Variants in ADCY8 observed in about 807,000 individuals in gnomAD.
The protein encoded by ADCY8 is adenylate cyclase type 8.
Under a neutral mutation model 119.7 loss-of-function variants are expected in ADCY8, and 51 were observed. That is an observed-to-expected ratio of 0.43 (90% CI 0.34 to 0.54). ADCY8 has a LOEUF of 0.54. Among genes scored for constraint, ADCY8 ranks in the 20% least tolerant of loss-of-function variants. The probability of loss-of-function intolerance (pLI) is 0.03; values close to 1 mark genes in which losing one functional copy is unlikely to be tolerated. For missense variants in ADCY8, 1,383 were observed against 1,598.8 expected (o/e 0.87, Z 2.30); for synonymous variants, 665 against 651.0 (o/e 1.02, Z -0.33).
chr8:130,783,570 A>G (rs1445107238), intron 17 of ADCY8, 121 bp downstream of exon 17: 4 of 636,992 alleles, frequency 6.3e-6, no homozygotes, highest in African/African-American at 5.5e-5. Flanking sequence ...TGGCAGGGTC[A>G]TGCTAGATCT....
At chr8:130,820,423 A>G (rs1816472074) in intron 13 of ADCY8, among the ~76,000 whole-genome samples, 1 of 152,152 alleles carries the variant, frequency 6.6e-6, no homozygotes, top group African/African-American at 2.4e-5. Flanking sequence ...AGAAAGATGG[A>G]CCAAGATCCA....
chr8:130,972,371 G>A (rs1821948816), intron 2 of ADCY8, among the ~76,000 whole-genome samples: 1 of 152,084 alleles, frequency 6.6e-6, no homozygotes, highest in Admixed American at 6.5e-5. Flanking sequence ...AAACCTTAAT[G>A]TTCCAGTTGT....
At chr8:130,887,038 C>T (rs1171916017) in intron 7 of ADCY8, among the ~76,000 whole-genome samples, 1 of 151,632 alleles carries the variant, frequency 6.6e-6, no homozygotes, top group African/African-American at 2.4e-5. Flanking sequence ...CAGTCCTTTA[C>T]ATTGAATACA....
intron 9 of ADCY8, among the ~76,000 whole-genome samples, chr8:130,855,660 C>T (rs570122706): frequency 1.3e-5 from 2 of 152,004 alleles, no homozygotes; most frequent in South Asian, 4.2e-4. Context: ...GACAGTGGCC[C>T]CTTCTCCTGT....
Position 130,903,850 on chromosome 8 carries a change from C to G in ADCY8, c.1833G>C (p.Arg611=). 6.2e-7 allele frequency: 1 copy of G among 1,613,930 alleles called. No individual in the cohort carries two copies. ...CAGTGAATGTGGCCCCACTGTTTCT[C>G]CGGTCTGAGGAGCTCACTGACTCCT... ...IVKESVSSSD[R]RNSGATFTEG... The change falls in exon 7 of 18, where the codon CGG becomes CGC. Residue 611 remains arginine (R), a synonymous_variant. Coordinates refer to ENST00000286355, the MANE Select transcript of ADCY8 (RefSeq NM_001115.3).
At chr8:131,002,895 T>TA (rs1188483063) in intron 1 of ADCY8, among the ~76,000 whole-genome samples, 1 of 151,996 alleles carries the variant, frequency 6.6e-6, no homozygotes, top group African/African-American at 2.4e-5. Flanking sequence ...ATAAGGTTTT[T>TA]AAAAAAATGA....
intron 2 of ADCY8, among the ~76,000 whole-genome samples, chr8:130,975,454 C>T (rs1402071756): frequency 1.3e-5 from 2 of 152,116 alleles, no homozygotes. Context: ...AATGCAGGAG[C>T]AAGAAACTCC....
At chr8:130,991,750 T>C (rs558863598) in intron 1 of ADCY8, among the ~76,000 whole-genome samples, 1 of 152,348 alleles carries the variant, frequency 6.6e-6, no homozygotes, top group East Asian at 1.9e-4. Context: ...AACAGACATC[T>C]ATTCTAATCT....
chr8:131,013,943 G>T (rs1823389555), intron 1 of ADCY8, among the ~76,000 whole-genome samples: 1 of 152,088 alleles, frequency 6.6e-6, no homozygotes, highest in Admixed American at 6.5e-5. Flanking sequence ...TTGTTGCAAA[G>T]GAATCTCACA....
At chr8:130,915,910 C>G (rs992383354) in intron 5 of ADCY8, among the ~76,000 whole-genome samples, 10 of 152,116 alleles carry the variant, frequency 6.6e-5, no homozygotes, top group Non-Finnish European at 2.9e-5. Context: ...ATTGATTGGG[C>G]CCCAGTCACC....
intron 1 of ADCY8, among the ~76,000 whole-genome samples, chr8:130,992,716 A>G (rs1822637809): frequency 6.6e-6 from 1 of 151,818 alleles, no homozygotes; most frequent in Non-Finnish European, 1.5e-5. Context: ...CGGACAGCCA[A>G]AAAAAAATTT....
intron 2 of ADCY8, among the ~76,000 whole-genome samples, chr8:130,972,870 A>G (rs948770747): frequency 2.7e-5 from 4 of 150,044 alleles, no homozygotes; most frequent in African/African-American, 1.0e-4. Context: ...CATCTGGGAT[A>G]AGGAGATAAG....
chr8:130,802,819 A>C (rs182389405), intron 14 of ADCY8, among the ~76,000 whole-genome samples: 1 of 152,266 alleles, frequency 6.6e-6, no homozygotes, highest in Non-Finnish European at 1.5e-5. Context: ...CAGCCTTGGG[A>C]GGTGCCAGGA....
At chr8:131,025,348 T>C (rs1382860127) in intron 1 of ADCY8, among the ~76,000 whole-genome samples, 1 of 152,164 alleles carries the variant, frequency 6.6e-6, no homozygotes, top group Non-Finnish European at 1.5e-5. Flanking sequence ...AGCTTTGGAA[T>C]CAGATAGCTG....
intron 14 of ADCY8, among the ~76,000 whole-genome samples, chr8:130,801,950 G>A (rs1225245169): frequency 9.3e-6 from 1 of 107,494 alleles, no homozygotes; most frequent in African/African-American, 3.6e-5. Context: ...GTTGGTGATT[G>A]CTATGGTTCT....
chr8:130,796,761 A>C (rs1232348629), intron 15 of ADCY8, among the ~76,000 whole-genome samples: 30 of 89,538 alleles, frequency 3.4e-4, no homozygotes, highest in African/African-American at 6.2e-4. Context: ...TTTCTCTTCC[A>C]CCTCCTCCCC....
Position 130,951,852 on chromosome 8 carries a change from G to A in ADCY8, c.1241+16C>T. 6.2e-7 allele frequency: 1 copy of A among 1,613,696 alleles called. No homozygotes were observed. The highest frequency in any genetic ancestry group is 8.5e-7 in the Non-Finnish European group (1 of 1,179,778). On this transcript the variant is annotated intron_variant, in intron 3 of 17. Coordinates refer to ENST00000286355, the MANE Select transcript of ADCY8 (RefSeq NM_001115.3). ...GGATCATGCAAGAGCCGGGGCAAGGGTGTTGTGTTTCTCACCTGACGTTCT... is the reference window on the plus strand; with the variant it reads ...GGATCATGCAAGAGCCGGGGCAAGGATGTTGTGTTTCTCACCTGACGTTCT...
intron 11 of ADCY8, among the ~76,000 whole-genome samples, chr8:130,842,723 T>G (rs545348150): frequency 1.8e-4 from 27 of 152,038 alleles, no homozygotes; most frequent in African/African-American, 6.3e-4. Flanking sequence ...AATAAAAAAC[T>G]TAGCTCGGTG....
At chr8:130,967,808 G>T (rs974047953) in intron 2 of ADCY8, among the ~76,000 whole-genome samples, 1 of 152,070 alleles carries the variant, frequency 6.6e-6, no homozygotes, top group Admixed American at 6.5e-5. Flanking sequence ...GCTCTTTCCT[G>T]ATTTGTTCAA....
Sources: allele counts gnomAD v4.1 joint callset (sites outside exome capture counted in the v4.1 genomes callset), GRCh38; gene constraint gnomAD v4.1.1; transcripts MANE v1.5; gene names NCBI Gene and HGNC (gene_info 2026-07-23, HGNC 2026-07-21).